PAK5: variants seen among roughly 807,000 people sequenced by gnomAD.
PAK5 encodes p21 (RAC1) activated kinase 5.
Under a neutral mutation model 65.9 loss-of-function variants are expected in PAK5, and 16 were observed. The ratio of observed to expected loss-of-function variants is 0.24; its 90% CI spans 0.16 to 0.37. The LOEUF (loss-of-function observed/expected upper bound fraction) is 0.37, where lower values mean the gene tolerates loss of function less well. Ranked by LOEUF, PAK5 falls within the 10% of genes least tolerant of loss-of-function variation. PAK5 has a pLI of 1.00. For synonymous variants in PAK5, 371 were observed against 354.9 expected (o/e 1.05, Z -0.51); for missense variants, 785 against 903.9 (o/e 0.87, Z 1.69).
At chr20:9,667,766 C>T (rs2047439444) in intron 2 of PAK5, among the ~76,000 whole-genome samples, 1 of 152,154 alleles carries the variant, frequency 6.6e-6, no homozygotes, top group African/African-American at 2.4e-5. Flanking sequence ...AATTTCGTAA[C>T]TTAAAGCCCA....
intron 1 of PAK5, among the ~76,000 whole-genome samples, chr20:9,789,673 C>T (rs766944427): frequency 6.6e-6 from 1 of 152,100 alleles, no homozygotes; most frequent in African/African-American, 2.4e-5. Context: ...TCCCTGGTTC[C>T]ACATATGATG....
At chr20:9,549,516 A>C (rs2045395045) in intron 7 of PAK5, among the ~76,000 whole-genome samples, 1 of 152,190 alleles carries the variant, frequency 6.6e-6, no homozygotes, top group Admixed American at 6.5e-5. Flanking sequence ...GCTCTCAACC[A>C]ACTAGCATGA....
intron 1 of PAK5, among the ~76,000 whole-genome samples, chr20:9,745,997 G>T (rs1300477518): frequency 6.6e-6 from 1 of 152,034 alleles, no homozygotes; most frequent in Admixed American, 6.6e-5. Context: ...TCAAAGAGAA[G>T]AAAGTTTTAA....
intron 3 of PAK5, among the ~76,000 whole-genome samples, chr20:9,608,904 G>C (rs1356055682): frequency 6.6e-6 from 1 of 152,152 alleles, no homozygotes; most frequent in East Asian, 1.9e-4. Flanking sequence ...ATGGCAACAA[G>C]AATAAAAGAA....
In PAK5 at chr20:9,540,310, A is replaced by G. The variant is rs536025551; in HGVS notation, c.2005-693T>C. ...ATACATTTACCCCTATTTACTTTCC[A>G]CTCCTATCAAGATATAGAACTTTTC... On this transcript the variant is annotated intron_variant, in intron 9 of 9. Transcript: ENST00000353224. 3.6e-3 allele frequency among the ~76,000 whole-genome samples: 539 copies of G among 151,500 alleles called. 5 individuals carry two copies. Among genetic ancestry groups the G allele is most frequent in the Non-Finnish European group, 4.0e-3 (273 of 67,842 alleles).
chr20:9,666,212 A>G (rs2047414983), intron 2 of PAK5, among the ~76,000 whole-genome samples: 2 of 152,126 alleles, frequency 1.3e-5, no homozygotes, highest in South Asian at 2.1e-4. Flanking sequence ...CATGCCCTCC[A>G]TTTGAGGGCA....
chr20:9,815,947 A>G (rs959489138), intron 1 of PAK5, among the ~76,000 whole-genome samples: 3 of 152,298 alleles, frequency 2.0e-5, no homozygotes, highest in South Asian at 2.1e-4. Flanking sequence ...CAGAAATTAC[A>G]TGCACCATTC....
At chr20:9,549,046 A>G (rs907700946) in intron 7 of PAK5, among the ~76,000 whole-genome samples, 2 of 152,166 alleles carry the variant, frequency 1.3e-5, no homozygotes, top group Admixed American at 6.5e-5. Context: ...TATGAAAAAA[A>G]GGGCCTTGTA....
Position 9,745,642 on chromosome 20 carries a change from T to G in PAK5, c.-161-34207A>C, listed in dbSNP as rs145710472. On this transcript the variant is annotated intron_variant, in intron 1 of 9. Coordinates refer to ENST00000353224, the MANE Select transcript of PAK5 (RefSeq NM_177990.4). ...TGCCTCTTTACCTGTAATGTGTACATGAATGCCTTGGTGAAAGGCAGGTTC... is the reference window on the plus strand; with the variant it reads ...TGCCTCTTTACCTGTAATGTGTACAGGAATGCCTTGGTGAAAGGCAGGTTC... Among the ~76,000 whole-genome samples the G allele has an allele frequency of 9.6e-3, 1,469 of 152,260 alleles. 24 individuals carry two copies. Among genetic ancestry groups the G allele is most frequent in the African/African-American group, 0.034 (1,393 of 41,558 alleles).
chr20:9,755,351 A>G lies in PAK5; in HGVS notation c.-161-43916T>C, dbSNP rs564399246. Among the ~76,000 whole-genome samples, 6 of 152,314 alleles carry G rather than the reference A, an allele frequency of 3.9e-5. No individual in the cohort carries two copies. The South Asian group carries it at 1.2e-3, about 32-fold the overall frequency. ...AAACATCAAGTCTTTAAATTATTAA[A>G]TGCTTTCACATTTCACCCAATGAAT... On this transcript the variant is annotated intron_variant, in intron 1 of 9. Coordinates refer to ENST00000353224, the MANE Select transcript of PAK5 (RefSeq NM_177990.4).
chr20:9,710,472 G>T (rs2048064566), intron 2 of PAK5, among the ~76,000 whole-genome samples: 1 of 152,172 alleles, frequency 6.6e-6, no homozygotes, highest in Admixed American at 6.6e-5. Context: ...ATGGAAATTA[G>T]AATTATATTT....
At chr20:9,770,719 A>G (rs1223655612) in intron 1 of PAK5, among the ~76,000 whole-genome samples, 2 of 152,146 alleles carry the variant, frequency 1.3e-5, no homozygotes, top group African/African-American at 2.4e-5. Context: ...TGGGACATGA[A>G]GAGAGTGAGA....
intron 2 of PAK5, among the ~76,000 whole-genome samples, chr20:9,680,915 G>C (rs2047641416): frequency 6.6e-6 from 1 of 152,166 alleles, no homozygotes; most frequent in Non-Finnish European, 1.5e-5. Context: ...GTTAGGTGCG[G>C]CGTTTTATGT....
chr20:9,825,132 C>T lies in PAK5; in HGVS notation c.-162+13630G>A, dbSNP rs1159431630. ...TTCTTCTGTTTTACAGTGATACTCACAGTCATTGCACACCCTGGTCTTTGT... is the reference window on the plus strand; with the variant it reads ...TTCTTCTGTTTTACAGTGATACTCATAGTCATTGCACACCCTGGTCTTTGT... On this transcript the variant is annotated intron_variant, in intron 1 of 9. Coordinates refer to ENST00000353224, the MANE Select transcript of PAK5 (RefSeq NM_177990.4). Among the ~76,000 whole-genome samples, 7 of 152,286 alleles carry T rather than the reference C, an allele frequency of 4.6e-5. No homozygotes were observed. In the East Asian group the frequency reaches 1.4e-3, roughly 29 times the overall value.
intron 3 of PAK5, among the ~76,000 whole-genome samples, chr20:9,598,790 A>C (rs1470392997): frequency 6.6e-6 from 1 of 152,146 alleles, no homozygotes; most frequent in African/African-American, 2.4e-5. Flanking sequence ...TTCTTTGCCC[A>C]CTTTTGATGG....
At chr20:9,652,429 G>A (rs565039828) in intron 2 of PAK5, among the ~76,000 whole-genome samples, 1 of 152,116 alleles carries the variant, frequency 6.6e-6, no homozygotes, top group Non-Finnish European at 1.5e-5. Context: ...AAATAAAGTT[G>A]TTTTCTAAAA....
chr20:9,728,218 G>A (rs1032179970), intron 1 of PAK5, among the ~76,000 whole-genome samples: 1 of 151,958 alleles, frequency 6.6e-6, no homozygotes, highest in Non-Finnish European at 1.5e-5. Context: ...TGGTGCCATC[G>A]ATGAGGAAGG....
At chr20:9,547,643 A>C (rs2045364789) in intron 7 of PAK5, among the ~76,000 whole-genome samples, 11 of 152,160 alleles carry the variant, frequency 7.2e-5, no homozygotes, top group Admixed American at 5.9e-4. Context: ...AGAGTGGTAG[A>C]TGTTGAAGAA....
At chr20:9,604,522 T>C (rs1168870986) in intron 3 of PAK5, among the ~76,000 whole-genome samples, 4 of 152,160 alleles carry the variant, frequency 2.6e-5, no homozygotes, top group African/African-American at 9.7e-5. Flanking sequence ...GACAAGCCAC[T>C]CAGTGAAGGT....
Sources: allele counts gnomAD v4.1 joint callset (sites outside exome capture counted in the v4.1 genomes callset), GRCh38; gene constraint gnomAD v4.1.1; transcripts MANE v1.5; gene names NCBI Gene and HGNC (gene_info 2026-07-23, HGNC 2026-07-21).